ZMAT4: variants seen among roughly 807,000 people sequenced by gnomAD.
ZMAT4 encodes the protein zinc finger matrin-type protein 4.
ZMAT4 carries 17 observed loss-of-function variants against 28.7 expected under a neutral mutation model. That is an observed-to-expected ratio of 0.59 (90% CI 0.41 to 0.89). The LOEUF (loss-of-function observed/expected upper bound fraction) is 0.89, where lower values mean the gene tolerates loss of function less well. Ranked by LOEUF, ZMAT4 falls within the 40% of genes least tolerant of loss-of-function variation. ZMAT4 has a pLI of 0.00. For synonymous variants in ZMAT4, 117 were observed against 109.2 expected (o/e 1.07, Z -0.44); for missense variants, 240 against 283.8 (o/e 0.85, Z 1.11).
At chr8:40,808,163 A>G (rs1317647573) in intron 2 of ZMAT4, among the ~76,000 whole-genome samples, 2 of 152,208 alleles carry the variant, frequency 1.3e-5, no homozygotes, top group Admixed American at 1.3e-4. Flanking sequence ...AGCAGACACG[A>G]GGCAATAACA....
Position 40,588,297 on chromosome 8 carries a change from G to C in ZMAT4, c.578-7036C>G, listed in dbSNP as rs911170647. 1.6e-4 allele frequency among the ~76,000 whole-genome samples: 24 copies of C among 152,066 alleles called. No individual in the cohort carries two copies. In the South Asian group the frequency reaches 2.7e-3, roughly 17 times the overall value. On this transcript the variant is annotated intron_variant, in intron 5 of 6. Transcript: ENST00000297737. The stretch of plus-strand genomic sequence containing the variant: ...AAATTAGATTTTATAAAAAGCAAAA[G>C]CTTCTGTCTGTAAAAGAGACCATTA...
chr8:40,682,533 C>A (rs1809221072), intron 4 of ZMAT4, among the ~76,000 whole-genome samples: 1 of 152,144 alleles, frequency 6.6e-6, no homozygotes, highest in African/African-American at 2.4e-5. Context: ...TGCTACCCAG[C>A]CCCATGAGAT....
intron 2 of ZMAT4, among the ~76,000 whole-genome samples, chr8:40,784,959 C>A (rs182579854): frequency 5.9e-5 from 9 of 152,330 alleles, no homozygotes; most frequent in Admixed American, 4.6e-4. Flanking sequence ...TGTACAAGTA[C>A]ACACTGTATA....
chr8:40,845,776 TAA>T (rs71224858), intron 1 of ZMAT4, among the ~76,000 whole-genome samples: 1,663 of 129,568 alleles, frequency 0.013, 37 homozygotes, highest in African/African-American at 0.047. Flanking sequence ...ACTTAGTAGT[TAA>T]AAAAAAAAAA....
At chr8:40,565,750 C>T (rs1311362764) in intron 6 of ZMAT4, among the ~76,000 whole-genome samples, 2 of 149,278 alleles carry the variant, frequency 1.3e-5, no homozygotes, top group Admixed American at 6.8e-5. Flanking sequence ...ACTCAGGTTC[C>T]AGGCTACCTT....
intron 2 of ZMAT4, among the ~76,000 whole-genome samples, chr8:40,771,704 T>C (rs571427929): frequency 6.6e-6 from 1 of 152,364 alleles, no homozygotes; most frequent in South Asian, 2.1e-4. Flanking sequence ...TTTTAGTACA[T>C]ACATATGCCA....
chr8:40,705,532 G>A (rs1057327808), intron 3 of ZMAT4, among the ~76,000 whole-genome samples: 7 of 152,022 alleles, frequency 4.6e-5, no homozygotes, highest in African/African-American at 1.7e-4. Flanking sequence ...TGTAAATGAG[G>A]CCACATTTAA....
intron 5 of ZMAT4, among the ~76,000 whole-genome samples, chr8:40,615,561 A>C (rs541720368): frequency 6.6e-6 from 1 of 152,312 alleles, no homozygotes; most frequent in East Asian, 1.9e-4. Context: ...TGTCAAGTAC[A>C]CCAATCAGAC....
intron 6 of ZMAT4, among the ~76,000 whole-genome samples, chr8:40,577,088 G>A (rs189660965): frequency 1.8e-3 from 279 of 152,228 alleles, no homozygotes; most frequent in African/African-American, 6.4e-3. Context: ...CAGCTACCTG[G>A]GAGGCTGAGA....
chr8:40,696,842 C>A (rs911541258), intron 4 of ZMAT4, among the ~76,000 whole-genome samples: 2 of 152,156 alleles, frequency 1.3e-5, no homozygotes, highest in African/African-American at 4.8e-5. Context: ...AGGATGATGT[C>A]CTGCATTATA....
At chr8:40,714,731 G>T (rs183978586) in intron 3 of ZMAT4, among the ~76,000 whole-genome samples, 2 of 152,308 alleles carry the variant, frequency 1.3e-5, no homozygotes, top group African/African-American at 2.4e-5. Flanking sequence ...AAGGAGGAAA[G>T]AAATGAAATA....
intron 4 of ZMAT4, among the ~76,000 whole-genome samples, chr8:40,695,531 GGT>G (rs1809844656): frequency 6.6e-6 from 1 of 152,198 alleles, no homozygotes; most frequent in Non-Finnish European, 1.5e-5. Flanking sequence ...CCAGCAACCT[GGT>G]TTCTGCAACA....
In ZMAT4 at chr8:40,775,237, A is replaced by G. The variant is rs552063410; in HGVS notation, c.103-7507T>C. 1.4e-3 allele frequency among the ~76,000 whole-genome samples: 217 copies of G among 152,374 alleles called. 2 individuals carry two copies. The highest frequency in any genetic ancestry group is 0.013 in the South Asian group (64 of 4,832). ...AGACCATTGTGTAAAAGTGTCGTGTACATTTGAAACATGTTGTTACAGATC... is the reference window on the plus strand; with the variant it reads ...AGACCATTGTGTAAAAGTGTCGTGTGCATTTGAAACATGTTGTTACAGATC... On this transcript the variant is annotated intron_variant, in intron 2 of 6. Transcript: ENST00000297737.
At chr8:40,567,711 AAAAG>A (rs1319646629) in intron 6 of ZMAT4, among the ~76,000 whole-genome samples, 6 of 150,668 alleles carry the variant, frequency 4.0e-5, no homozygotes, top group South Asian at 2.1e-4. Context: ...AAAAAAAAAA[AAAAG>A]AAAGAACAAA....
intron 1 of ZMAT4, among the ~76,000 whole-genome samples, chr8:40,894,708 G>A (rs997457285): frequency 1.3e-5 from 2 of 152,096 alleles, no homozygotes; most frequent in South Asian, 4.2e-4. Context: ...TTTCTGAGGT[G>A]TTCCAGAGTG....
At chr8:40,770,118 G>T (rs1307318896) in intron 2 of ZMAT4, among the ~76,000 whole-genome samples, 1 of 152,100 alleles carries the variant, frequency 6.6e-6, no homozygotes, top group Non-Finnish European at 1.5e-5. Context: ...CAGAGCTTTG[G>T]CAAATACCAC....
intron 5 of ZMAT4, among the ~76,000 whole-genome samples, chr8:40,595,119 A>T (rs1805045585): frequency 6.6e-6 from 1 of 152,148 alleles, no homozygotes. Flanking sequence ...CACGTTTTTT[A>T]TTTTTAAGGA....
intron 1 of ZMAT4, among the ~76,000 whole-genome samples, chr8:40,828,139 A>G: frequency 6.6e-6 from 1 of 152,226 alleles, no homozygotes; most frequent in East Asian, 1.9e-4. Context: ...AACCCACAAT[A>G]TCATAGTCAT....
Position 40,762,904 on chromosome 8 carries a change from C to T in ZMAT4, c.192+4737G>A, listed in dbSNP as rs550664815. On this transcript the variant is annotated intron_variant, in intron 3 of 6. Transcript: ENST00000297737. Reference sequence around the variant, plus strand: ...TGTTACAGCAGCCTTAGGTAGTCAACAGTGCTAGAACTTCATACTCAAGAA... The same window carrying T: ...TGTTACAGCAGCCTTAGGTAGTCAATAGTGCTAGAACTTCATACTCAAGAA... 3.3e-5 allele frequency among the ~76,000 whole-genome samples: 5 copies of T among 152,304 alleles called. No individual in the cohort carries two copies. In the South Asian group the frequency reaches 1.0e-3, roughly 32 times the overall value.
Sources: allele counts gnomAD v4.1 joint callset (sites outside exome capture counted in the v4.1 genomes callset), GRCh38; gene constraint gnomAD v4.1.1; transcripts MANE v1.5; gene names NCBI Gene and HGNC (gene_info 2026-07-23, HGNC 2026-07-21).